Variants in SORBS2 observed in about 807,000 individuals in gnomAD.
SORBS2 encodes sorbin and SH3 domain containing 2.
Under a neutral mutation model 97.7 loss-of-function variants are expected in SORBS2, and 46 were observed. The observed-to-expected ratio is 0.47, with a 90% CI of 0.37 to 0.60. The LOEUF (loss-of-function observed/expected upper bound fraction) is 0.60, where lower values mean the gene tolerates loss of function less well. SORBS2 is among the 20% of genes least tolerant of loss of function. SORBS2 has a pLI of 0.00. For missense variants in SORBS2, 1,316 were observed against 1,282.3 expected, an observed-to-expected ratio of 1.03 and a Z score of -0.40; for synonymous variants, 476 against 473.4, an observed-to-expected ratio of 1.01 and a Z score of -0.07.
chr4:185,689,461 C>A (rs2098046384), intron 2 of SORBS2, among the ~76,000 whole-genome samples: 2 of 152,156 alleles, frequency 1.3e-5, no homozygotes, highest in Admixed American at 1.3e-4. Flanking sequence ...CATCAAGTTG[C>A]CTTTGTGTGG....
chr4:185,744,006 C>A (rs1156703218), intron 2 of SORBS2, among the ~76,000 whole-genome samples: 1 of 133,860 alleles, frequency 7.5e-6, no homozygotes, highest in Non-Finnish European at 1.6e-5. Context: ...TCCCCCTCAC[C>A]TTTCCCCTTT....
intron 2 of SORBS2, among the ~76,000 whole-genome samples, chr4:185,701,075 T>C (rs1583029374): frequency 1.3e-5 from 2 of 152,258 alleles, no homozygotes; most frequent in Admixed American, 1.3e-4. Context: ...AGAACACTTT[T>C]TGAGATTGTT....
At chr4:185,614,709 G>C in intron 11 of SORBS2, 122 bp downstream of exon 23, 2 of 1,241,212 alleles carry the variant, frequency 1.6e-6, no homozygotes, top group Non-Finnish European at 2.2e-6. Context: ...AGAAAATAGG[G>C]TAAACATAAA....
chr4:185,870,279 G>A lies in SORBS2; in HGVS notation c.-338+85917C>T, dbSNP rs189479959. Among the ~76,000 whole-genome samples the A allele has an allele frequency of 2.0e-5, 3 of 152,302 alleles. No individual in the cohort carries two copies. In the East Asian group the frequency reaches 5.8e-4, roughly 29 times the overall value. ...CCTGCGTAGGGGAATTGCAGAATTC[G>A]TGAAATCTTCAGGAGACGAGACACT... On this transcript the variant is annotated intron_variant, in intron 1 of 20. Transcript: ENST00000284776.
chr4:185,790,527 C>T, intron 1 of SORBS2, among the ~76,000 whole-genome samples: 1 of 152,222 alleles, frequency 6.6e-6, no homozygotes, highest in Non-Finnish European at 1.5e-5. Flanking sequence ...TACAAGGTAC[C>T]TGAGGAGCTG....
intron 1 of SORBS2, among the ~76,000 whole-genome samples, chr4:185,815,804 C>T (rs1008558365): frequency 1.3e-5 from 2 of 152,228 alleles, no homozygotes; most frequent in African/African-American, 4.8e-5. Flanking sequence ...AATGCTAACA[C>T]CTGATGAATC....
At chr4:185,781,974 C>T (rs2099033414) in intron 1 of SORBS2, among the ~76,000 whole-genome samples, 1 of 152,262 alleles carries the variant, frequency 6.6e-6, no homozygotes, top group Non-Finnish European at 1.5e-5. Context: ...CGGAGCCCCT[C>T]TCCTCCACTA....
chr4:185,732,861 C>T (rs2098653047), intron 2 of SORBS2, among the ~76,000 whole-genome samples: 1 of 152,192 alleles, frequency 6.6e-6, no homozygotes, highest in African/African-American at 2.4e-5. Context: ...AGCCCTAAAT[C>T]CAATGACTGG....
At chr4:185,801,684 CTCTCTCTG>C (rs2099131632) in intron 1 of SORBS2, among the ~76,000 whole-genome samples, 1 of 150,366 alleles carries the variant, frequency 6.7e-6, no homozygotes, top group Non-Finnish European at 1.5e-5. Flanking sequence ...CTCTCTCTCT[CTCTCTCTG>C]TGTGTGATGC....
At chr4:185,742,856 C>T (rs1583900277) in intron 2 of SORBS2, among the ~76,000 whole-genome samples, 1 of 152,346 alleles carries the variant, frequency 6.6e-6, no homozygotes, top group East Asian at 1.9e-4. Context: ...GGGATTTGCA[C>T]ACCTGGGACA....
chr4:185,694,722 T>TTTTTTTTTTTTTTTTTTTTTG (rs1326363394), intron 2 of SORBS2, among the ~76,000 whole-genome samples: 1 of 146,938 alleles, frequency 6.8e-6, no homozygotes, highest in African/African-American at 2.5e-5. Context: ...TTTTCTTTTT[T>TTTTTTTTTTTTTTTTTTTTTG]TTGAGACGGA....
At chr4:185,657,411 T>C (rs773499590), upstream of SORBS2, 3 of 1,528,444 alleles carry the variant, frequency 2.0e-6, no homozygotes, top group East Asian at 2.4e-5. Flanking sequence ...ACGCACACGC[T>C]GGCATTTCCT....
At chr4:185,942,524 T>C (rs1402394683) in intron 1 of SORBS2, among the ~76,000 whole-genome samples, 3 of 152,090 alleles carry the variant, frequency 2.0e-5, no homozygotes, top group South Asian at 2.1e-4. Context: ...CTGACTTTTG[T>C]ATTTTTAGTA....
At chr4:185,732,657 G>A (rs1300841103) in intron 2 of SORBS2, among the ~76,000 whole-genome samples, 1 of 152,218 alleles carries the variant, frequency 6.6e-6, no homozygotes, top group Non-Finnish European at 1.5e-5. Context: ...TGAGCTTACA[G>A]TAGACAATTT....
intron 1 of SORBS2, among the ~76,000 whole-genome samples, chr4:185,888,321 G>T (rs1180147814): frequency 6.6e-6 from 1 of 152,114 alleles, no homozygotes; most frequent in African/African-American, 2.4e-5. Flanking sequence ...AGAAACGAGG[G>T]GTGGTGGGGG....
At chr4:185,782,208 T>C (rs926470440) in intron 1 of SORBS2, among the ~76,000 whole-genome samples, 3 of 152,246 alleles carry the variant, frequency 2.0e-5, no homozygotes, top group Non-Finnish European at 2.9e-5. Context: ...CAAAACATTA[T>C]GTATTCTAAT....
At chr4:185,595,779 C>G (rs923900008) in intron 12 of SORBS2, among the ~76,000 whole-genome samples, 2 of 142,046 alleles carry the variant, frequency 1.4e-5, no homozygotes, top group African/African-American at 5.4e-5. Flanking sequence ...TTTTTTTTTG[C>G]TATCATAAAC....
At chr4:185,594,097 A>G in intron 12 of SORBS2, 162 bp from the exon 25 acceptor site, 1 of 587,442 alleles carries the variant, frequency 1.7e-6, no homozygotes, top group Non-Finnish European at 3.0e-6. Context: ...AGGATTAATA[A>G]TTAAAATATT....
At chr4:185,594,060 G>A in intron 12 of SORBS2, 125 bp from the exon 25 acceptor site, 6 of 653,730 alleles carry the variant, frequency 9.2e-6, no homozygotes, top group East Asian at 5.7e-5. Context: ...CCAAGAGGAA[G>A]AAAAAAACCA....
Sources: gnomAD v4.1 joint callset for allele counts (sites outside exome capture counted in the v4.1 genomes callset) on GRCh38, gnomAD v4.1.1 for gene constraint, MANE v1.5 for transcripts, NCBI Gene and HGNC (gene_info 2026-07-23, HGNC 2026-07-21) for gene names.